The following FAM193A variants were observed in gnomAD, a reference collection of about 807,000 sequenced individuals.
FAM193A encodes the protein protein FAM193A.
A neutral mutation model predicts 126.5 loss-of-function variants in FAM193A; 22 were observed. The ratio of observed to expected loss-of-function variants is 0.17; its 90% CI spans 0.12 to 0.25. FAM193A has a LOEUF of 0.25. Among genes scored for constraint, FAM193A ranks in the 10% least tolerant of loss-of-function variants. The probability of loss-of-function intolerance (pLI) is 1.00; values close to 1 mark genes in which losing one functional copy is unlikely to be tolerated. For synonymous variants in FAM193A, 761 were observed against 646.8 expected (o/e 1.18, Z -2.68); for missense variants, 1,675 against 1,672.8 (o/e 1.00, Z -0.02).
At position 2,685,314 on chromosome 4, in the gene FAM193A, C is replaced by T. The variant is rs1451967333; in HGVS notation, c.2332-4192C>T. ...ACTCCCTCTCTGGGTTACTTTGAGA[C>T]TTAAGTAAAACCACTGGAAACGCAT... is the stretch of plus-strand genomic sequence containing the variant. On this transcript the variant is annotated intron_variant, in intron 13 of 20. Coordinates refer to ENST00000637812, the MANE Select transcript of FAM193A (RefSeq NM_001366318.2). Among the ~76,000 whole-genome samples, 5 of 152,130 alleles carry T rather than the reference C, an allele frequency of 3.3e-5. No individual in the cohort carries two copies. In the East Asian group the frequency reaches 9.6e-4, roughly 29 times the overall value.
At chr4:2,571,765 C>G (rs1739305917) in intron 1 of FAM193A, among the ~76,000 whole-genome samples, 1 of 151,538 alleles carries the variant, frequency 6.6e-6, no homozygotes, top group African/African-American at 2.4e-5. Context: ...GTGTTGAACT[C>G]CCGACCTCAG....
At chr4:2,644,243 T>C (rs1254987092) in intron 6 of FAM193A, among the ~76,000 whole-genome samples, 1 of 152,126 alleles carries the variant, frequency 6.6e-6, no homozygotes, top group African/African-American at 2.4e-5. Context: ...TTGCTCTCCC[T>C]TGGCTCAAAA....
chr4:2,726,615 T>C (rs1720775849), intron 20 of FAM193A, among the ~76,000 whole-genome samples: 1 of 151,820 alleles, frequency 6.6e-6, no homozygotes, highest in African/African-American at 2.4e-5. Flanking sequence ...TGTTTGTAAT[T>C]CAGACCTTTT....
intron 1 of FAM193A, among the ~76,000 whole-genome samples, chr4:2,574,339 T>C (rs1739461740): frequency 6.6e-6 from 1 of 152,174 alleles, no homozygotes; most frequent in South Asian, 2.1e-4. Context: ...CTGCATTTGC[T>C]CACCTTGTGT....
intron 7 of FAM193A, among the ~76,000 whole-genome samples, chr4:2,656,695 C>T (rs1316474890): frequency 6.6e-6 from 1 of 152,194 alleles, no homozygotes. Flanking sequence ...GCCACCAGAG[C>T]TGCCAGGTTG....
intron 1 of FAM193A, among the ~76,000 whole-genome samples, chr4:2,537,803 C>A (rs575494515): frequency 1.3e-5 from 2 of 152,334 alleles, no homozygotes; most frequent in African/African-American, 4.8e-5. Flanking sequence ...CCTCCTCCCC[C>A]GCTTTGTTAA....
rs1269801312 is a variant in FAM193A, at chr4:2,579,019, G to T, written c.256-17065G>T. On this transcript the variant is annotated intron_variant, in intron 1 of 20. Coordinates refer to ENST00000637812, the MANE Select transcript of FAM193A (RefSeq NM_001366318.2). The stretch of plus-strand genomic sequence containing the variant: ...CTCGCTCTGTCACCCAGGCTGGAAT[G>T]CAGTGGCGTGATCACAGTAAAAGAG... Among the ~76,000 whole-genome samples the T allele has an allele frequency of 3.3e-5, 5 of 152,038 alleles. No individual in the cohort carries two copies. In the East Asian group the frequency reaches 7.9e-4, roughly 24 times the overall value.
At chr4:2,580,867 C>T (rs1026075694) in intron 1 of FAM193A, among the ~76,000 whole-genome samples, 2 of 152,226 alleles carry the variant, frequency 1.3e-5, no homozygotes, top group South Asian at 2.1e-4. Context: ...GCCGGGCTCA[C>T]GCCTGTAATC....
rs926056411 is a variant in FAM193A, at chr4:2,652,778, T to C, written c.1312-5025T>C. Among the ~76,000 whole-genome samples, 59 of 152,356 alleles carry C rather than the reference T, an allele frequency of 3.9e-4. 1 individual carries two copies. Among genetic ancestry groups the C allele is most frequent in the Admixed American group, 3.7e-3 (56 of 15,306 alleles). On this transcript the variant is annotated intron_variant, in intron 7 of 20. Coordinates refer to ENST00000637812, the MANE Select transcript of FAM193A (RefSeq NM_001366318.2). The stretch of plus-strand genomic sequence containing the variant: ...CTGGCTTTCCCTTCATGTATCGATA[T>C]AAGTTTCTGAGGTTGTGAATAACTT...
chr4:2,618,213 G>T (rs1387050957), intron 2 of FAM193A, among the ~76,000 whole-genome samples: 1 of 152,124 alleles, frequency 6.6e-6, no homozygotes, highest in Non-Finnish European at 1.5e-5. Flanking sequence ...GGGCCTCAGC[G>T]TGCTTTGCTT....
At position 2,646,861 on chromosome 4, in the gene FAM193A, C is replaced by T. The variant is rs750232969; in HGVS notation, c.1311+29C>T. On this transcript the variant is annotated intron_variant, in intron 7 of 20. Coordinates refer to ENST00000637812, the MANE Select transcript of FAM193A (RefSeq NM_001366318.2). Reference sequence around the variant, plus strand: ...AGTGCCACCCGGGACCACCGCACCCCGCGCACATCCTCAGACGGCCCTGTT... The same window carrying T: ...AGTGCCACCCGGGACCACCGCACCCTGCGCACATCCTCAGACGGCCCTGTT... The T allele has an allele frequency of 1.8e-5, 29 of 1,591,748 alleles. 1 individual carries two copies. The highest frequency in any genetic ancestry group is 6.7e-5 in the African/African-American group (5 of 74,348).
chr4:2,613,036 C>G (rs1375466405), intron 2 of FAM193A, among the ~76,000 whole-genome samples: 2 of 152,144 alleles, frequency 1.3e-5, no homozygotes, highest in Non-Finnish European at 2.9e-5. Context: ...AATATTGAGT[C>G]TTCAAGTCTA....
chr4:2,725,625 A>T (rs1720658125), intron 20 of FAM193A, among the ~76,000 whole-genome samples: 1 of 152,036 alleles, frequency 6.6e-6, no homozygotes, highest in Non-Finnish European at 1.5e-5. Flanking sequence ...TAATGTTGTC[A>T]TAGGGATAAC....
chr4:2,674,694 G>T (rs1232367251), intron 13 of FAM193A, among the ~76,000 whole-genome samples: 1 of 151,990 alleles, frequency 6.6e-6, no homozygotes, highest in Non-Finnish European at 1.5e-5. Flanking sequence ...GTTTAGCATG[G>T]GTACTATGAA....
chr4:2,608,003 T>TGG lies in FAM193A; in HGVS notation c.501+11677_501+11678dup, dbSNP rs1741644737. 1.9e-6 allele frequency: 3 copies of TGG among 1,594,918 alleles called. No homozygotes were observed. In the South Asian group the frequency reaches 3.4e-5, roughly 18 times the overall value. ...GGCAGCCACTCACCACAGCCCCTGC[T>TGG]GGGGTGTGAATGTGCACCACGCACT... On this transcript the variant is annotated intron_variant, in intron 2 of 20. Coordinates refer to ENST00000637812, the MANE Select transcript of FAM193A (RefSeq NM_001366318.2).
chr4:2,652,481 G>A (rs912708449), intron 7 of FAM193A, among the ~76,000 whole-genome samples: 2 of 152,194 alleles, frequency 1.3e-5, no homozygotes, highest in Non-Finnish European at 2.9e-5. Context: ...TAGGAAGCAT[G>A]GCTGGGAGGC....
intron 1 of FAM193A, among the ~76,000 whole-genome samples, chr4:2,589,982 A>G (rs1740429657): frequency 6.6e-6 from 1 of 151,570 alleles, no homozygotes; most frequent in African/African-American, 2.4e-5. Flanking sequence ...TAAAAATACA[A>G]AAACTAGCCG....
At chr4:2,554,597 GT>G (rs1472049754) in intron 1 of FAM193A, among the ~76,000 whole-genome samples, 4 of 151,866 alleles carry the variant, frequency 2.6e-5, no homozygotes, top group Non-Finnish European at 5.9e-5. Flanking sequence ...TTTTTTTTTG[GT>G]TGATGGTTTT....
chr4:2,670,332 T>C (rs1331130813), intron 12 of FAM193A, among the ~76,000 whole-genome samples: 4 of 152,204 alleles, frequency 2.6e-5, no homozygotes, highest in Admixed American at 2.6e-4. Context: ...GAATCTTTAT[T>C]TTCATATTTT....
Sources: allele counts gnomAD v4.1 joint callset (sites outside exome capture counted in the v4.1 genomes callset), GRCh38; gene constraint gnomAD v4.1.1; transcripts MANE v1.5; gene names NCBI Gene and HGNC (gene_info 2026-07-23, HGNC 2026-07-21).